Variants in FOLH1 observed in about 807,000 individuals in gnomAD.
The protein encoded by FOLH1 is folate hydrolase 1.
In FOLH1, 54 loss-of-function variants were observed where a neutral mutation model predicts 93.9. The ratio of observed to expected loss-of-function variants is 0.57; its 90% CI spans 0.46 to 0.72. The LOEUF (loss-of-function observed/expected upper bound fraction) is 0.72. Ranked by LOEUF, FOLH1 falls within the 30% of genes least tolerant of loss-of-function variation. The pLI, the probability that FOLH1 is intolerant of heterozygous loss-of-function variation, is 0.00. For missense variants in FOLH1, 571 were observed against 892.5 expected, an observed-to-expected ratio of 0.64 and a Z score of 4.59; for synonymous variants, 249 against 303.6, an observed-to-expected ratio of 0.82 and a Z score of 1.87.
At chr11:49,178,953 G>T (rs1860413213) in intron 7 of FOLH1, among the ~76,000 whole-genome samples, 1 of 152,154 alleles carries the variant, frequency 6.6e-6, no homozygotes, top group Non-Finnish European at 1.5e-5. Context: ...ACAAGACTCA[G>T]TCTTTCCACC....
At chr11:49,193,987 G>A (rs113466294) in intron 3 of FOLH1, among the ~76,000 whole-genome samples, 10,717 of 151,818 alleles carry the variant, frequency 0.071, 428 homozygotes, top group Middle Eastern at 0.11. Context: ...GTGAAACCGC[G>A]TCTCTACTAA....
At chr11:49,201,539 A>C (rs1387760385) in intron 2 of FOLH1, among the ~76,000 whole-genome samples, 1 of 151,678 alleles carries the variant, frequency 6.6e-6, no homozygotes, top group African/African-American at 2.4e-5. Context: ...AGTTATTTAA[A>C]TTGTATTTAT....
In FOLH1 at chr11:49,184,849, TGTTAATGTTTTACA is replaced by T. The variant is rs1861188038; in HGVS notation, c.826+806_826+819del. ...ACATTCAAAATAAATTAGCTCCCTT[TGTTAATGTTTTACA>T]GGGGAGCCTTTCAGCATAAGACTAC... On this transcript the variant is annotated intron_variant, in intron 6 of 18. Transcript: ENST00000256999. 2.0e-5 allele frequency among the ~76,000 whole-genome samples: 3 copies of T among 152,344 alleles called. No homozygotes were observed. The South Asian group carries it at 6.2e-4, about 32-fold the overall frequency.
At chr11:49,207,913 G>A (rs1400408280) in intron 1 of FOLH1, 2 of 470,964 alleles carry the variant, frequency 4.2e-6, no homozygotes, top group Admixed American at 4.7e-5. Context: ...TTCCAAGGAA[G>A]AAAGAATGCA....
intron 15 of FOLH1, among the ~76,000 whole-genome samples, chr11:49,155,795 C>CATGTAT (rs1254674003): frequency 3.1e-4 from 16 of 52,116 alleles, no homozygotes; most frequent in African/African-American, 7.4e-4. Flanking sequence ...AAATGAAAAC[C>CATGTAT]ATATATATAT....
At chr11:49,170,871 A>G (rs1037816886) in intron 11 of FOLH1, among the ~76,000 whole-genome samples, 16 of 152,216 alleles carry the variant, frequency 1.1e-4, no homozygotes, top group Non-Finnish European at 2.1e-4. Context: ...ATAAACTACA[A>G]TATGATTAAG....
chr11:49,187,086 G>T lies in FOLH1; in HGVS notation c.514-317C>A, dbSNP rs143160217. Among the ~76,000 whole-genome samples the T allele has an allele frequency of 5.4e-3, 829 of 152,188 alleles. 9 individuals carry two copies. The highest frequency in any genetic ancestry group is 0.018 in the African/African-American group (745 of 41,524). Reference sequence around the variant, plus strand: ...CATATACGTGTACACATTGCTGCACGCAACTTGAAGGTGTCCAGATACCCT... The same window carrying T: ...CATATACGTGTACACATTGCTGCACTCAACTTGAAGGTGTCCAGATACCCT... On this transcript the variant is annotated intron_variant, in intron 4 of 18. Transcript: ENST00000256999.
At chr11:49,147,343 G>A (rs980275509) in intron 18 of FOLH1, among the ~76,000 whole-genome samples, 1 of 152,016 alleles carries the variant, frequency 6.6e-6, no homozygotes, top group Non-Finnish European at 1.5e-5. Context: ...CAAGGCACAC[G>A]ACAAGTAACT....
chr11:49,185,797 T>A lies in FOLH1; in HGVS notation c.698A>T (p.Asp233Val). The A allele has an allele frequency of 2.5e-6, 4 of 1,606,588 alleles. No individual in the cohort carries two copies. The highest frequency in any genetic ancestry group is 3.4e-6 in the Non-Finnish European group (4 of 1,177,390). Residue 233 changes from aspartate to valine, a missense_variant, in exon 6 of 19, where the codon GAC becomes GTC. Asp to Val is a radical substitution (Grantham distance 152). Transcript: ENST00000256999. Reference protein sequence around the residue: ...KGVILYSDPADYFAPGVKSYP... With the variant: ...KGVILYSDPAVYFAPGVKSYP... ...GGACTTCACCCCAGGAGCAAAGTAG[T>A]CAGCAGGGTCGGAGTAGAGAATGAC...
chr11:49,205,679 T>C (rs1590712283), intron 2 of FOLH1, among the ~76,000 whole-genome samples: 1 of 152,258 alleles, frequency 6.6e-6, no homozygotes, highest in East Asian at 1.9e-4. Context: ...TTAAATTGGT[T>C]TTAAAAATAA....
rs1565117264 is a variant in FOLH1, at chr11:49,145,599, G to A, written c.*1157C>T. ...TGTCAATTTGAAGCAGATTCTTCAA[G>A]GGCAACACTACAGCGACTTCTTAAC... On this transcript the variant is annotated 3_prime_UTR_variant, in exon 19 of 19. Transcript: ENST00000256999. Among the ~76,000 whole-genome samples, 1 of 152,134 alleles carries A rather than the reference G, an allele frequency of 6.6e-6. No individual in the cohort carries two copies. Among genetic ancestry groups the A allele is most frequent in the Non-Finnish European group, 1.5e-5 (1 of 68,024 alleles).
chr11:49,177,785 T>TG (rs1554993646), intron 7 of FOLH1, among the ~76,000 whole-genome samples: 2 of 104,080 alleles, frequency 1.9e-5, no homozygotes, highest in Non-Finnish European at 3.6e-5. Flanking sequence ...CCGTCTCTAC[T>TG]AAAAAAAAAA....
chr11:49,199,590 G>A (rs950072077), intron 3 of FOLH1, among the ~76,000 whole-genome samples: 2 of 151,994 alleles, frequency 1.3e-5, no homozygotes, highest in African/African-American at 4.8e-5. Context: ...AATCTGTGCA[G>A]TGTCTTTATA....
intron 2 of FOLH1, among the ~76,000 whole-genome samples, chr11:49,204,976 C>G (rs1463307428): frequency 2.0e-5 from 3 of 151,948 alleles, no homozygotes; most frequent in South Asian, 2.1e-4. Flanking sequence ...TTTGGGAAGC[C>G]GAGGCGGGCA....
rs1179613982 is a variant in FOLH1, at chr11:49,164,731, T to A, written c.1414A>T (p.Ser472Cys). ...LRVDCTPLMYSLVHNLTKELK... is the reference protein window; with the variant it reads ...LRVDCTPLMYCLVHNLTKELK... ...TCTTTTGTTAGGTTGTGTACCAAGC[T>A]GTACATCAGCGGTGTACAATCAACT... The change falls in exon 13 of 19, where the codon AGC becomes TGC. Residue 472 changes from serine to cysteine, a missense_variant. Ser to Cys is a moderately radical substitution (Grantham distance 112, BLOSUM62 -1). Around this residue, in one of 2 missense-constraint regions of FOLH1, gnomAD observed 500 missense variants for 822.9 expected, o/e 0.61. Coordinates refer to ENST00000256999, the MANE Select transcript of FOLH1 (RefSeq NM_004476.3). The A allele has an allele frequency of 6.2e-7, 1 of 1,605,252 alleles. No individual in the cohort carries two copies.
chr11:49,150,946 A>G (rs1178644462), intron 17 of FOLH1, among the ~76,000 whole-genome samples: 1 of 152,214 alleles, frequency 6.6e-6, no homozygotes, highest in Non-Finnish European at 1.5e-5. Context: ...TGTGCCAATT[A>G]CTGTTCTGAA....
intron 3 of FOLH1, among the ~76,000 whole-genome samples, chr11:49,193,334 A>G (rs1862273693): frequency 6.6e-6 from 1 of 152,224 alleles, no homozygotes; most frequent in South Asian, 2.1e-4. Context: ...GCTAGTGTGA[A>G]CACAAGCCTA....
chr11:49,203,324 G>A (rs1863486460), intron 2 of FOLH1, among the ~76,000 whole-genome samples: 1 of 152,190 alleles, frequency 6.6e-6, no homozygotes, highest in African/African-American at 2.4e-5. Flanking sequence ...GGAAAACACA[G>A]ACAACCCTGT....
In FOLH1 at chr11:49,145,264, G is replaced by C. The variant is rs1268970829; in HGVS notation, c.*1492C>G. ...TGTGAGTAGAAGGCATTGGAGAGAT[G>C]TTCCAAGAGGGTGCTTTTCAATCTG... On this transcript the variant is annotated 3_prime_UTR_variant, in exon 19 of 19. Transcript: ENST00000256999. 6.6e-6 allele frequency among the ~76,000 whole-genome samples: 1 copy of C among 152,140 alleles called. No homozygotes were observed. Among genetic ancestry groups the C allele is most frequent in the Non-Finnish European group, 1.5e-5 (1 of 68,032 alleles).
Sources: gnomAD v4.1 joint callset for allele counts (sites outside exome capture counted in the v4.1 genomes callset) on GRCh38, gnomAD v4.1.1 for gene constraint, gnomAD v4.1.1 regional missense constraint, MANE v1.5 for transcripts, NCBI Gene and HGNC (gene_info 2026-07-23, HGNC 2026-07-21) for gene names.